Variants in SLC4A4 observed in about 807,000 individuals in gnomAD.
The protein encoded by SLC4A4 is electrogenic sodium bicarbonate cotransporter 1.
SLC4A4 carries 27 observed loss-of-function variants against 111.5 expected under a neutral mutation model. The observed-to-expected ratio is 0.24, with a 90% CI of 0.18 to 0.33. The LOEUF (loss-of-function observed/expected upper bound fraction) is 0.33, where lower values mean the gene tolerates loss of function less well. Among genes scored for constraint, SLC4A4 ranks in the 10% least tolerant of loss-of-function variants. The pLI, the probability that SLC4A4 is intolerant of heterozygous loss-of-function variation, is 1.00. For missense variants in SLC4A4, 909 were observed against 1,315.5 expected, an observed-to-expected ratio of 0.69 and a Z score of 4.78; for synonymous variants, 443 against 463.4, an observed-to-expected ratio of 0.96 and a Z score of 0.57.
chr4:71,093,436 G>T (rs1442201294), intron 2 of SLC4A4, among the ~76,000 whole-genome samples: 2 of 152,138 alleles, frequency 1.3e-5, no homozygotes, highest in Non-Finnish European at 2.9e-5. Flanking sequence ...TCAAAGTGCG[G>T]GGATTACAGG....
chr4:71,496,972 G>C (rs1396388354), intron 15 of SLC4A4, among the ~76,000 whole-genome samples: 1 of 152,042 alleles, frequency 6.6e-6, no homozygotes, highest in South Asian at 2.1e-4. Flanking sequence ...TACTTTAATT[G>C]CTTAAATCAC....
At chr4:71,286,383 A>T (rs1723922202) in intron 3 of SLC4A4, among the ~76,000 whole-genome samples, 1 of 152,216 alleles carries the variant, frequency 6.6e-6, no homozygotes, top group Admixed American at 6.5e-5. Flanking sequence ...AAAGCACTGG[A>T]TGTAAAGGAC....
intron 1 of SLC4A4, among the ~76,000 whole-genome samples, chr4:71,231,416 C>T (rs1207189029): frequency 6.6e-6 from 1 of 152,302 alleles, no homozygotes; most frequent in East Asian, 1.9e-4. Context: ...CGAGCCTGCT[C>T]AGTGATTAGG....
At position 71,337,049 on chromosome 4, in the gene SLC4A4, C is replaced by T. The variant is rs138181036; in HGVS notation, c.254-2321C>T. On this transcript the variant is annotated intron_variant, in intron 3 of 25. Coordinates refer to ENST00000264485, the MANE Select transcript of SLC4A4 (RefSeq NM_001098484.3). ...CTGTGTGTGAACTGAACAACAAACA[C>T]GCAGTGATCAATCACTGACATATTT... Among the ~76,000 whole-genome samples, 49 of 152,294 alleles carry T rather than the reference C, an allele frequency of 3.2e-4. 1 individual carries two copies. The highest frequency in any genetic ancestry group is 1.1e-3 in the African/African-American group (47 of 41,564).
intron 1 of SLC4A4, among the ~76,000 whole-genome samples, chr4:71,072,639 GATTAC>G (rs1476043634): frequency 1.2e-4 from 18 of 151,754 alleles, no homozygotes; most frequent in Admixed American, 1.2e-3. Context: ...TTTTTATTGG[GATTAC>G]ATTACAGTTA....
At chr4:71,565,297 C>T (rs1408747214) in intron 24 of SLC4A4, among the ~76,000 whole-genome samples, 1 of 151,866 alleles carries the variant, frequency 6.6e-6, no homozygotes, top group East Asian at 2.0e-4. Flanking sequence ...TGCCACATCT[C>T]CTCACTGAGA....
At chr4:71,444,066 G>A (rs1225688988) in intron 8 of SLC4A4, among the ~76,000 whole-genome samples, 4 of 152,138 alleles carry the variant, frequency 2.6e-5, no homozygotes, top group Non-Finnish European at 5.9e-5. Context: ...CTGTTGTTTT[G>A]AGAGAAGGAT....
chr4:71,087,829 G>C (rs1228474100), intron 1 of SLC4A4, among the ~76,000 whole-genome samples: 1 of 151,970 alleles, frequency 6.6e-6, no homozygotes, highest in Non-Finnish European at 1.5e-5. Context: ...TTCCAACTAT[G>C]TGGTCAGTTT....
intron 14 of SLC4A4, among the ~76,000 whole-genome samples, chr4:71,480,869 G>A (rs998968723): frequency 8.6e-5 from 13 of 151,558 alleles, no homozygotes; most frequent in Admixed American, 7.2e-4. Flanking sequence ...TTTTACTAGG[G>A]GATTTTAATC....
intron 1 of SLC4A4, among the ~76,000 whole-genome samples, chr4:71,091,690 A>G (rs762084782): frequency 3.9e-5 from 6 of 152,156 alleles, no homozygotes; most frequent in Non-Finnish European, 2.9e-5. Context: ...CTGAAAATTT[A>G]ACTTCTTTCA....
At chr4:71,127,227 A>T (rs1000782764) in intron 2 of SLC4A4, among the ~76,000 whole-genome samples, 2 of 152,214 alleles carry the variant, frequency 1.3e-5, no homozygotes, top group African/African-American at 4.8e-5. Flanking sequence ...TTGTAGAAAC[A>T]TATGGCCATA....
At chr4:71,099,475 C>CAT (rs1406516223) in intron 2 of SLC4A4, among the ~76,000 whole-genome samples, 56 of 152,226 alleles carry the variant, frequency 3.7e-4, no homozygotes, top group African/African-American at 1.3e-3. Context: ...ACTAAATATC[C>CAT]ATATCTCAAA....
chr4:71,475,126 G>A (rs1017993867), intron 14 of SLC4A4, among the ~76,000 whole-genome samples: 2 of 151,400 alleles, frequency 1.3e-5, no homozygotes, highest in Admixed American at 6.6e-5. Flanking sequence ...CGACTTCTTA[G>A]GCAGGTTTGA....
Position 71,371,491 on chromosome 4 carries a change from G to A in SLC4A4, c.730+14304G>A, listed in dbSNP as rs190961797. Among the ~76,000 whole-genome samples, 14 of 151,906 alleles carry A rather than the reference G, an allele frequency of 9.2e-5. No individual in the cohort carries two copies. In the East Asian group the frequency reaches 1.9e-3, roughly 21 times the overall value. ...ACTCCTGACCTCAGGTGATCCACCC[G>A]CCTCGGCCTCCCAAAGCTCTGGGAT... On this transcript the variant is annotated intron_variant, in intron 6 of 25. Coordinates refer to ENST00000264485, the MANE Select transcript of SLC4A4 (RefSeq NM_001098484.3).
chr4:71,214,551 T>A (rs958751068), intron 1 of SLC4A4, among the ~76,000 whole-genome samples: 3 of 152,194 alleles, frequency 2.0e-5, no homozygotes, highest in Non-Finnish European at 2.9e-5. Flanking sequence ...CTGTCCCATA[T>A]CTTTACTCTT....
At chr4:71,356,451 C>G (rs920283212) in intron 5 of SLC4A4, among the ~76,000 whole-genome samples, 1 of 152,128 alleles carries the variant, frequency 6.6e-6, no homozygotes, top group African/African-American at 2.4e-5. Flanking sequence ...GAAAAGACTA[C>G]AACATAATTT....
intron 3 of SLC4A4, among the ~76,000 whole-genome samples, chr4:71,291,453 T>C (rs1724341526): frequency 6.6e-6 from 1 of 152,170 alleles, no homozygotes; most frequent in Non-Finnish European, 1.5e-5. Flanking sequence ...ATGATTTTTT[T>C]TTTTGAGACA....
intron 1 of SLC4A4, among the ~76,000 whole-genome samples, chr4:71,215,004 T>C (rs990434087): frequency 1.3e-5 from 2 of 152,272 alleles, no homozygotes; most frequent in East Asian, 1.9e-4. Flanking sequence ...TTTGTCTGAA[T>C]TATCTGATCT....
intron 18 of SLC4A4, among the ~76,000 whole-genome samples, chr4:71,534,779 C>A (rs1734264772): frequency 6.6e-6 from 1 of 152,096 alleles, no homozygotes; most frequent in Admixed American, 6.6e-5. Context: ...CAGGTTTATT[C>A]TTAAAGATTA....
Sources: allele counts gnomAD v4.1 joint callset (sites outside exome capture counted in the v4.1 genomes callset), GRCh38; gene constraint gnomAD v4.1.1; transcripts MANE v1.5; gene names NCBI Gene and HGNC (gene_info 2026-07-23, HGNC 2026-07-21).